The following MLKL variants were observed in gnomAD, a reference collection of about 807,000 sequenced individuals.
MLKL encodes mixed lineage kinase domain like pseudokinase.
In MLKL, 55 loss-of-function variants were observed where a neutral mutation model predicts 56.5. The ratio of observed to expected loss-of-function variants is 0.97; its 90% CI spans 0.78 to 1.22. The LOEUF (loss-of-function observed/expected upper bound fraction) is 1.22, where lower values mean the gene tolerates loss of function less well. Among genes scored for constraint, MLKL ranks in the 50% most tolerant of loss-of-function variants. The pLI is 0.00. For synonymous variants in MLKL, 251 were observed against 208.3 expected, an observed-to-expected ratio of 1.20 and a Z score of -1.76; for missense variants, 694 against 573.9, an observed-to-expected ratio of 1.21 and a Z score of -2.14.
rs946791405 is a variant in MLKL at position 74,682,909 on chromosome 16, C to G, written c.821-123G>C. The G allele has an allele frequency of 9.3e-6, 11 of 1,181,682 alleles. No homozygotes were observed. In the African/African-American group the frequency reaches 1.5e-4, roughly 16 times the overall value. 73.2% of individuals were successfully genotyped at this position (1,181,682 alleles called of 1,614,324 possible). A position where few individuals can be genotyped will look rare whatever the true frequency, so the allele number is the denominator to read the frequency against. ...GGCTCTGCTGAGTCCCATTTCTCCCCCAATCCTCAGCCCACAGTTTTGGTC... is the reference window on the plus strand; with the variant it reads ...GGCTCTGCTGAGTCCCATTTCTCCCGCAATCCTCAGCCCACAGTTTTGGTC... On this transcript the variant is annotated intron_variant, in intron 5 of 10. Coordinates refer to ENST00000308807, the MANE Select transcript of MLKL (RefSeq NM_152649.4).
At chr16:74,697,324 A>T (rs1456349773) in intron 1 of MLKL, among the ~76,000 whole-genome samples, 1 of 152,122 alleles carries the variant, frequency 6.6e-6, no homozygotes, top group Non-Finnish European at 1.5e-5. Context: ...GTTTGAACTG[A>T]CATGAAGTGT....
Position 74,685,480 on chromosome 16 carries a change from C to T in MLKL, c.820+6G>A, listed in dbSNP as rs1597495409. 1 of 1,609,874 alleles carries T rather than the reference C, an allele frequency of 6.2e-7. No individual in the cohort carries two copies. The highest frequency in any genetic ancestry group is 8.5e-7 in the Non-Finnish European group (1 of 1,176,298). Reference sequence around the variant, plus strand: ...AAGCTTGACCAATCCTAGAAGCATTCCTTACCTGTTTCATCAATGCAAATC... The same window carrying T: ...AAGCTTGACCAATCCTAGAAGCATTTCTTACCTGTTTCATCAATGCAAATC... On this transcript the variant is annotated splice_donor_region_variant and intron_variant, in intron 5 of 10. Coordinates refer to ENST00000308807, the MANE Select transcript of MLKL (RefSeq NM_152649.4).
chr16:74,675,841 C>T (rs1049295336), intron 7 of MLKL, 77 bp from the exon 8 acceptor site: 10 of 1,419,550 alleles, frequency 7.0e-6, no homozygotes, highest in Middle Eastern at 1.8e-4. Flanking sequence ...TGTTGCTACA[C>T]ACAATTGCCA....
chr16:74,679,289 G>A (rs75339001), intron 6 of MLKL, among the ~76,000 whole-genome samples: 9 of 152,328 alleles, frequency 5.9e-5, no homozygotes, highest in Admixed American at 5.9e-4. Context: ...GTGCTGGGCA[G>A]ATCCGAGAGC....
Position 74,672,427 on chromosome 16 carries a change from T to C in MLKL, c.*77A>G. 3.7e-6 allele frequency: 5 copies of C among 1,358,174 alleles called. No individual in the cohort carries two copies. The South Asian group carries it at 4.7e-5, about 13-fold the overall frequency. 84.1% of individuals were successfully genotyped at this position (1,358,174 alleles called of 1,614,324 possible). ...CCATAGATAACCCAATGCCGAAGGATATGAGAGAGAGAGATGTCCAGTTTG... is the reference window on the plus strand; with the variant it reads ...CCATAGATAACCCAATGCCGAAGGACATGAGAGAGAGAGATGTCCAGTTTG... On this transcript the variant is annotated 3_prime_UTR_variant, in exon 11 of 11. Transcript: ENST00000308807.
chr16:74,691,223 G>A (rs1960651069), intron 4 of MLKL, 54 bp downstream of exon 4: 4 of 1,493,748 alleles, frequency 2.7e-6, no homozygotes, highest in African/African-American at 2.8e-5. Context: ...CTCTCTCCTT[G>A]GAGAGTTAGA....
rs1960959917 is a variant in MLKL, at chr16:74,695,323, C to T, written c.435G>A (p.Arg145=). ...QEDQQDADED[R]RAFQMLRRDN... ...CTCTTCTTAGCATCTGGAAAGCTCG[C>T]CTGTCTTCGTCTGCATCCTGCTGAT... The change falls in exon 2 of 11, where the codon AGG becomes AGA. Residue 145 remains arginine (R), a synonymous_variant. Transcript: ENST00000308807. 3 of 1,613,888 alleles carry T rather than the reference C, an allele frequency of 1.9e-6. No individual in the cohort carries two copies. The highest frequency in any genetic ancestry group is 3.3e-5 in the Admixed American group (2 of 60,008).
At chr16:74,672,570 G>T (rs746747493) in intron 10 of MLKL, 32 bp from the exon 11 acceptor site, 10 of 1,609,184 alleles carry the variant, frequency 6.2e-6, no homozygotes, top group African/African-American at 2.7e-5. Context: ...ATTAGACCAG[G>T]GTAGGCAGCT....
chr16:74,681,756 T>C (rs1959985336), intron 6 of MLKL, among the ~76,000 whole-genome samples: 1 of 150,986 alleles, frequency 6.6e-6, no homozygotes, highest in Non-Finnish European at 1.5e-5. Context: ...ATCGTGCCAC[T>C]GCACTCCAGC....
At chr16:74,693,392 C>T (rs918136542) in intron 2 of MLKL, among the ~76,000 whole-genome samples, 1 of 140,118 alleles carries the variant, frequency 7.1e-6, no homozygotes, top group Non-Finnish European at 1.5e-5. Flanking sequence ...CACTTGAACC[C>T]AGGAAGCAGA....
chr16:74,696,433 CAT>C (rs769574154), intron 1 of MLKL, among the ~76,000 whole-genome samples: 13 of 149,962 alleles, frequency 8.7e-5, no homozygotes, highest in Non-Finnish European at 1.5e-4. Flanking sequence ...TTTTTTAAAA[CAT>C]GTGGACTATC....
Position 74,700,528 on chromosome 16 carries a change from T to A in MLKL, c.-78A>T, listed in dbSNP as rs918637760. 4 of 152,882 alleles carry A rather than the reference T, an allele frequency of 2.6e-5. No individual in the cohort carries two copies. The highest frequency in any genetic ancestry group is 9.6e-5 in the African/African-American group (4 of 41,456). The allele number at this position is 152,882 out of a possible 1,614,324, so 9.5% of individuals were successfully genotyped here. A position where few individuals can be genotyped will look rare whatever the true frequency, so the allele number is the denominator to read the frequency against. On this transcript the variant is annotated 5_prime_UTR_variant, in exon 1 of 11. Coordinates refer to ENST00000308807, the MANE Select transcript of MLKL (RefSeq NM_152649.4). ...AAAAAGCTCGCTCTTCCACCTTCTT[T>A]CCCACGACCGCCTCCTGCCCAGGCG... is the stretch of plus-strand genomic sequence containing the variant.
At chr16:74,676,983 A>G (rs1407143871) in intron 7 of MLKL, 1 of 152,216 alleles carries the variant, frequency 6.6e-6, no homozygotes, top group African/African-American at 2.4e-5. Flanking sequence ...GGCAGGATCA[A>G]GGGGGTAACA....
At position 74,675,603 on chromosome 16, in the gene MLKL, G is replaced by A. The variant is rs375712048; in HGVS notation, c.1190+10C>T. ...TCTGAGTTAGAATCTGTACCAGAAC[G>A]TGAGTGTACCTGTATATTTCAGACT... On this transcript the variant is annotated intron_variant, in intron 8 of 10. Transcript: ENST00000308807. 8.1e-6 allele frequency: 13 copies of A among 1,610,574 alleles called. No homozygotes were observed. Among genetic ancestry groups the A allele is most frequent in the Admixed American group, 1.7e-5 (1 of 59,820 alleles).
At chr16:74,692,955 C>A (rs1291235927) in intron 2 of MLKL, among the ~76,000 whole-genome samples, 1 of 152,176 alleles carries the variant, frequency 6.6e-6, no homozygotes, top group African/African-American at 2.4e-5. Flanking sequence ...CCCTGTCTGC[C>A]CAGGACTGAG....
chr16:74,691,527 G>A, intron 3 of MLKL, 64 bp from the exon 4 acceptor site: 1 of 1,524,930 alleles, frequency 6.6e-7, no homozygotes, highest in African/African-American at 1.4e-5. Context: ...GGGTCCTAAG[G>A]GAGGTGGCAT....
At position 74,700,858 on chromosome 16, in the gene MLKL, C is replaced by T. The variant is rs369003104; in HGVS notation, c.-408G>A. On this transcript the variant is annotated 5_prime_UTR_variant, in exon 1 of 11. Transcript: ENST00000308807. ...GTGGCTCCAGCTGCCAACCACCAGG[C>T]TCACGGTGCCCTGGCTCCCTGGAGC... is the stretch of plus-strand genomic sequence containing the variant. 16 of 152,344 alleles carry T rather than the reference C, an allele frequency of 1.1e-4. No individual in the cohort carries two copies. The highest frequency in any genetic ancestry group is 3.9e-4 in the East Asian group (2 of 5,188). 9.4% of individuals were successfully genotyped at this position (152,344 alleles called of 1,614,324 possible). A position where few individuals can be genotyped will look rare whatever the true frequency, so the allele number is the denominator to read the frequency against.
chr16:74,680,598 C>T (rs972239631), intron 6 of MLKL, among the ~76,000 whole-genome samples: 3 of 152,076 alleles, frequency 2.0e-5, no homozygotes, highest in Non-Finnish European at 4.4e-5. Flanking sequence ...CCTCTGCCTC[C>T]CAGGTTCAAG....
At chr16:74,699,838 G>T (rs1240183648) in intron 1 of MLKL, among the ~76,000 whole-genome samples, 1 of 152,098 alleles carries the variant, frequency 6.6e-6, no homozygotes, top group East Asian at 1.9e-4. Context: ...CTACTTGGGA[G>T]GATCTGGTTG....
Sources: allele counts gnomAD v4.1 joint callset (sites outside exome capture counted in the v4.1 genomes callset), GRCh38; gene constraint gnomAD v4.1.1; transcripts MANE v1.5; gene names NCBI Gene and HGNC (gene_info 2026-07-23, HGNC 2026-07-21).